Variants in MTMR3 observed in about 807,000 individuals in gnomAD.
MTMR3 encodes myotubularin related protein 3, also known as phosphatidylinositol-3,5-bisphosphate 3-phosphatase MTMR3.
Under a neutral mutation model 132.4 loss-of-function variants are expected in MTMR3, and 32 were observed. The ratio of observed to expected loss-of-function variants is 0.24; its 90% CI spans 0.18 to 0.32. MTMR3 has a LOEUF of 0.32. Ranked by LOEUF, MTMR3 falls within the 10% of genes least tolerant of loss-of-function variation. MTMR3 has a pLI of 1.00. For missense variants in MTMR3, 1,216 were observed against 1,489.6 expected, an observed-to-expected ratio of 0.82 and a Z score of 3.02; for synonymous variants, 556 against 550.3, an observed-to-expected ratio of 1.01 and a Z score of -0.14.
intron 1 of MTMR3, among the ~76,000 whole-genome samples, chr22:29,890,288 G>T (rs1296488319): frequency 6.6e-6 from 1 of 152,022 alleles, no homozygotes; most frequent in Admixed American, 6.5e-5. Context: ...AGGCCAAGGC[G>T]GGTGGATCAC....
At chr22:29,908,990 T>TC in intron 1 of MTMR3, among the ~76,000 whole-genome samples, 3 of 151,636 alleles carry the variant, frequency 2.0e-5, no homozygotes, top group African/African-American at 7.3e-5. Flanking sequence ...TTCTTTTTTT[T>TC]TTTTTGAGAC....
intron 1 of MTMR3, among the ~76,000 whole-genome samples, chr22:29,953,943 ACTC>A (rs1019618617): frequency 1.3e-5 from 2 of 149,708 alleles, no homozygotes; most frequent in African/African-American, 4.9e-5. Context: ...AAACATAACT[ACTC>A]TTATTCCTTA....
chr22:30,025,421 GC>G, intron 19 of MTMR3: 1 of 586,266 alleles, frequency 1.7e-6, no homozygotes, highest in Middle Eastern at 4.5e-4. Context: ...AGAATCCTTG[GC>G]CCCAAAGTGA....
chr22:29,990,521 A>T (rs1473390813), intron 6 of MTMR3: 1 of 152,186 alleles, frequency 6.6e-6, no homozygotes, highest in Admixed American at 6.5e-5. Flanking sequence ...GTTGCTTATT[A>T]ATTAGTCAGT....
chr22:29,928,716 T>C (rs554073665), intron 1 of MTMR3, among the ~76,000 whole-genome samples: 24 of 152,236 alleles, frequency 1.6e-4, no homozygotes, highest in Admixed American at 7.2e-4. Context: ...AGTCTCGGCA[T>C]GTTGCCTAGG....
intron 1 of MTMR3, among the ~76,000 whole-genome samples, chr22:29,947,136 A>G (rs892492949): frequency 3.9e-5 from 6 of 152,328 alleles, no homozygotes; most frequent in African/African-American, 1.4e-4. Flanking sequence ...TCTGTTATCC[A>G]ATCACAGGTT....
chr22:29,894,739 G>T (rs1284764648), intron 1 of MTMR3, among the ~76,000 whole-genome samples: 2 of 152,174 alleles, frequency 1.3e-5, no homozygotes, highest in African/African-American at 4.8e-5. Context: ...GATATTTTAG[G>T]AAGAGCTGTG....
chr22:30,006,999 C>T (rs1458610947), intron 9 of MTMR3, 115 bp from the exon 10 acceptor site: 2 of 1,062,094 alleles, frequency 1.9e-6, no homozygotes. Flanking sequence ...GGACTTGAAG[C>T]TGACCCAACA....
At chr22:30,021,005 AGTAGCCCT>A in intron 17 of MTMR3, 121 bp downstream of exon 17, 1 of 1,020,982 alleles carries the variant, frequency 9.8e-7, no homozygotes, top group Non-Finnish European at 1.4e-6. Context: ...AAAGGTCCAG[AGTAGCCCT>A]GTTAAGAGAG....
chr22:29,944,873 T>C (rs549947122), intron 1 of MTMR3, among the ~76,000 whole-genome samples: 21 of 152,356 alleles, frequency 1.4e-4, no homozygotes, highest in African/African-American at 5.1e-4. Flanking sequence ...GCTAAATAGA[T>C]ATTTCAGTCA....
intron 3 of MTMR3, among the ~76,000 whole-genome samples, chr22:29,976,559 TATA>T (rs1465022096): frequency 1.3e-5 from 2 of 152,248 alleles, no homozygotes; most frequent in African/African-American, 2.4e-5. Context: ...AAATAGAATT[TATA>T]ATATTTCCTT....
intron 19 of MTMR3, 25 bp from the exon 20 acceptor site, chr22:30,025,605 T>C (rs372657063): frequency 7.4e-6 from 12 of 1,613,502 alleles, no homozygotes; most frequent in Non-Finnish European, 1.0e-5. Flanking sequence ...AAAACTAACA[T>C]TGTTCTGTTT....
chr22:29,985,059 C>G (rs1048412623), intron 5 of MTMR3: 2 of 152,144 alleles, frequency 1.3e-5, no homozygotes, highest in Non-Finnish European at 2.9e-5. Context: ...TATAGGGTAT[C>G]TCTAGTTATA....
At chr22:29,887,485 C>G (rs1236568234) in intron 1 of MTMR3, among the ~76,000 whole-genome samples, 1 of 152,166 alleles carries the variant, frequency 6.6e-6, no homozygotes, top group African/African-American at 2.4e-5. Context: ...TCTGTATTGT[C>G]AAGTGCAGAA....
At chr22:29,978,104 C>G (rs553462639) in intron 3 of MTMR3, 2 of 172,200 alleles carry the variant, frequency 1.2e-5, no homozygotes, top group Admixed American at 1.1e-4. Context: ...TACACCACCG[C>G]ACTACCTGTG....
chr22:30,011,716 G>T (rs898037492), intron 12 of MTMR3: 1 of 152,282 alleles, frequency 6.6e-6, no homozygotes, highest in Non-Finnish European at 1.5e-5. Flanking sequence ...AATCCAGTCT[G>T]TGTTGAGCCC....
At chr22:29,977,107 A>G (rs912776132) in intron 3 of MTMR3, among the ~76,000 whole-genome samples, 6 of 152,194 alleles carry the variant, frequency 3.9e-5, no homozygotes, top group East Asian at 1.9e-4. Flanking sequence ...CCTGGACAAC[A>G]TAACGAGACC....
intron 1 of MTMR3, among the ~76,000 whole-genome samples, chr22:29,883,824 G>C (rs2064605288): frequency 6.6e-6 from 1 of 152,184 alleles, no homozygotes; most frequent in South Asian, 2.1e-4. Context: ...CGGGGCGAAC[G>C]GTGCGGGCCT....
intron 1 of MTMR3, among the ~76,000 whole-genome samples, chr22:29,897,849 G>A (rs2064933265): frequency 6.6e-6 from 1 of 151,930 alleles, no homozygotes; most frequent in Admixed American, 6.6e-5. Context: ...TATCTTTTTA[G>A]CTCATGCACT....
Sources: gnomAD v4.1 joint callset for allele counts (sites outside exome capture counted in the v4.1 genomes callset) on GRCh38, gnomAD v4.1.1 for gene constraint, MANE v1.5 for transcripts, NCBI Gene and HGNC (gene_info 2026-07-23, HGNC 2026-07-21) for gene names.